ZBTB46: variants seen among roughly 807,000 people sequenced by gnomAD.
ZBTB46 encodes the protein zinc finger and BTB domain containing 46, also known as zinc finger and BTB domain-containing protein 46.
Under a neutral mutation model 44.1 loss-of-function variants are expected in ZBTB46, and 8 were observed. The ratio of observed to expected loss-of-function variants is 0.18; its 90% confidence interval spans 0.11 to 0.33. The LOEUF is 0.33. ZBTB46 is among the 10% of genes least tolerant of loss of function. ZBTB46 has a pLI of 1.00. For missense variants in ZBTB46, 651 were observed against 847.7 expected (o/e 0.77, Z 2.88); for synonymous variants, 409 against 382.3 (o/e 1.07, Z -0.81).
intron 3 of ZBTB46, among the ~76,000 whole-genome samples, chr20:63,754,298 G>C (rs1000765789): frequency 6.6e-6 from 1 of 152,130 alleles, no homozygotes; most frequent in Non-Finnish European, 1.5e-5. Flanking sequence ...AGTAACAAGA[G>C]ACTTCTCCTT....
At chr20:63,818,603 C>G (rs189915884) in intron 1 of ZBTB46, among the ~76,000 whole-genome samples, 1 of 152,294 alleles carries the variant, frequency 6.6e-6, no homozygotes, top group South Asian at 2.1e-4. Flanking sequence ...TGCCTGTCAT[C>G]CCAACACTTT....
chr20:63,767,799 G>T lies in ZBTB46; in HGVS notation c.1222+7879C>A. On this transcript the variant is annotated intron_variant, in intron 3 of 4. Coordinates refer to ENST00000245663, the MANE Select transcript of ZBTB46 (RefSeq NM_001369741.1). This position sits in a 1 kb window ranked among gnomAD's most constrained non-coding sequence, Gnocchi z 5.0. Reference sequence around the variant, plus strand: ...AGGCCAAGCCGTCCTGGCACTGGCTGCCCCCAGGGCTGGGCAAGTCCATCC... The same window carrying T: ...AGGCCAAGCCGTCCTGGCACTGGCTTCCCCCAGGGCTGGGCAAGTCCATCC... 1 of 877,166 alleles carries T rather than the reference G, an allele frequency of 1.1e-6. No homozygotes were observed. The highest frequency in any genetic ancestry group is 1.4e-6 in the Non-Finnish European group (1 of 730,998). The allele number at this position is 877,166 out of a possible 1,614,324, so 54.3% of individuals were successfully genotyped here. A position where few individuals can be genotyped will look rare whatever the true frequency, so the allele number is the denominator to read the frequency against.
In ZBTB46 at chr20:63,775,678, G is replaced by C; in HGVS notation, c.1222C>G (p.Leu408Val). Residue 408 changes from leucine (L) to valine (V), a missense_variant and splice_region_variant, in exon 3 of 5, where the codon CTG becomes GTG. Around this residue, in one of 5 missense-constraint regions of ZBTB46, gnomAD observed 385 missense variants for 423.3 expected, o/e 0.91. Transcript: ENST00000245663. ...YLPRGAHSLS[L>V]NEFTVIRKKF... ...AGCGGCCCCCAGGGCCTGCACTTAC[G>C]GGACAGCGAGTGGGCCCCTCTGGGC... 6.4e-7 allele frequency: 1 copy of C among 1,563,750 alleles called. No homozygotes were observed. Among genetic ancestry groups the C allele is most frequent in the Non-Finnish European group, 8.7e-7 (1 of 1,153,484 alleles).
chr20:63,802,429 AC>A (rs1468980199), intron 1 of ZBTB46, among the ~76,000 whole-genome samples: 1 of 151,162 alleles, frequency 6.6e-6, no homozygotes, highest in Non-Finnish European at 1.5e-5. Flanking sequence ...CAAAAAAAAA[AC>A]AATGAGGTTA....
At chr20:63,754,988 T>A (rs887512331) in intron 3 of ZBTB46, among the ~76,000 whole-genome samples, 1 of 152,250 alleles carries the variant, frequency 6.6e-6, no homozygotes, top group African/African-American at 2.4e-5. Flanking sequence ...ATTTTAGCCA[T>A]TTTTATTTAA....
chr20:63,775,742 G>A lies in ZBTB46; in HGVS notation c.1158C>T (p.Asp386=), dbSNP rs758920988. Residue 386 remains aspartate, a synonymous_variant, in exon 3 of 5, where the codon GAC becomes GAT. Coordinates refer to ENST00000245663, the MANE Select transcript of ZBTB46 (RefSeq NM_001369741.1). ...SKNSLLSLKA[D]VLGDDGSLLF... is the part of the protein sequence containing the mutation. ...GCAGGGAGCCGTCATCCCCCAGCAC[G>A]TCGGCCTTCAGCGACAGCAGGCTGT... 1.6e-5 allele frequency: 25 copies of A among 1,611,960 alleles called. No homozygotes were observed. The highest frequency in any genetic ancestry group is 3.3e-5 in the Admixed American group (2 of 59,854).
At chr20:63,772,012 T>TTC (rs1568849525) in intron 3 of ZBTB46, among the ~76,000 whole-genome samples, 1 of 151,296 alleles carries the variant, frequency 6.6e-6, no homozygotes, top group Non-Finnish European at 1.5e-5. Context: ...TTTTTTTTTT[T>TTC]TTTTTCTGAC....
Position 63,803,891 on chromosome 20 carries a change from G to A in ZBTB46, c.-33-13101C>T, listed in dbSNP as rs2092665047. On this transcript the variant is annotated intron_variant, in intron 1 of 4. Coordinates refer to ENST00000245663, the MANE Select transcript of ZBTB46 (RefSeq NM_001369741.1). This position sits in a 1 kb window ranked among gnomAD's most constrained non-coding sequence, Gnocchi z 4.0. The stretch of plus-strand genomic sequence containing the variant: ...CGGGCTAATTTTTTTGTTTTGTAGA[G>A]ACGGGGTTCTGTCGTGTTGCCCAGG... Among the ~76,000 whole-genome samples, 1 of 152,150 alleles carries A rather than the reference G, an allele frequency of 6.6e-6. No homozygotes were observed. The highest frequency in any genetic ancestry group is 2.4e-5 in the African/African-American group (1 of 41,438).
intron 1 of ZBTB46, chr20:63,791,059 C>A: frequency 2.8e-6 from 1 of 358,546 alleles, no homozygotes; most frequent in Non-Finnish European, 5.1e-6. Flanking sequence ...AACAGAATCC[C>A]ACATACGGCA....
chr20:63,770,057 C>T lies in ZBTB46; in HGVS notation c.1222+5621G>A, dbSNP rs56696063. Among the ~76,000 whole-genome samples, 445 of 152,340 alleles carry T rather than the reference C, an allele frequency of 2.9e-3. 2 individuals carry two copies. Among genetic ancestry groups the T allele is most frequent in the African/African-American group, 0.01 (417 of 41,586 alleles). On this transcript the variant is annotated intron_variant, in intron 3 of 4. Coordinates refer to ENST00000245663, the MANE Select transcript of ZBTB46 (RefSeq NM_001369741.1). ...CCATGGCTGTCCCTAGAATCCTTGA[C>T]TCTTTAAAAGAGTGAGGGGGGTTAC...
At chr20:63,785,184 A>G (rs1445180997) in intron 2 of ZBTB46, among the ~76,000 whole-genome samples, 1 of 143,452 alleles carries the variant, frequency 7.0e-6, no homozygotes, top group African/African-American at 2.6e-5. Context: ...GTGAGCTGAG[A>G]TTGCACCACT....
rs756439259 is a variant in ZBTB46, at chr20:63,747,281, C to T, written c.1419G>A (p.Lys473=). 7.1e-7 allele frequency: 1 copy of T among 1,414,340 alleles called. No individual in the cohort carries two copies. The highest frequency in any genetic ancestry group is 9.3e-7 in the Non-Finnish European group (1 of 1,075,340). 87.6% of individuals were successfully genotyped at this position (1,414,340 alleles called of 1,614,324 possible). The change falls in exon 5 of 5, where the codon AAG becomes AAA. Residue 473 remains lysine, a synonymous_variant. Coordinates refer to ENST00000245663, the MANE Select transcript of ZBTB46 (RefSeq NM_001369741.1). ...CGCGGCTGCACACCTTGCACACATA[C>T]TTCTTGTCCTTGCTGTGGACCTGCA... is the stretch of plus-strand genomic sequence containing the variant. The part of the protein sequence containing the change: ...RHTLVHSKDK[K]YVCKVCSRVF...
At position 63,747,128 on chromosome 20, in the gene ZBTB46, T is replaced by C; in HGVS notation, c.1572A>G (p.Pro524=). 1 of 1,610,156 alleles carries C rather than the reference T, an allele frequency of 6.2e-7. No homozygotes were observed. Among genetic ancestry groups the C allele is most frequent in the Middle Eastern group, 1.7e-4 (1 of 6,036 alleles). ...DHGGGGGEGS[P]EALFPGDGPY... ...GCCCGTCGCCTGGGAACAGCGCCTC[T>C]GGAGAGCCCTCGCCGCCTCCGCCGC... The change falls in exon 5 of 5, where the codon CCA becomes CCG. Residue 524 remains proline, a synonymous_variant. Transcript: ENST00000245663.
In ZBTB46 at chr20:63,746,994, T is replaced by C. The variant is rs1555834996; in HGVS notation, c.1706A>G (p.Glu569Gly). The C allele has an allele frequency of 2.5e-6, 4 of 1,607,662 alleles. No homozygotes were observed. In the South Asian group the frequency reaches 4.4e-5, roughly 18 times the overall value. ...GGGGCTGCGCGGCCGCGGCGAGTCT[T>C]CCTCATCCTTGTCGTCCGCCAACAG... ...DALLADDKDE[E>G]DSPRPRSPPG... Residue 569 changes from glutamate (E) to glycine (G), a missense_variant, in exon 5 of 5, where the codon GAA (glutamate) becomes GGA (glycine). Glu to Gly is a moderately conservative substitution (Grantham distance 98, BLOSUM62 -2). Around this residue, in one of 5 missense-constraint regions of ZBTB46, gnomAD observed 106 missense variants for 81.0 expected, o/e 1.31. Transcript: ENST00000245663.
intron 1 of ZBTB46, among the ~76,000 whole-genome samples, chr20:63,806,407 C>CAAAAAAAAAAAAA (rs58233169): frequency 2.2e-5 from 2 of 91,458 alleles, no homozygotes; most frequent in East Asian, 2.8e-4. Flanking sequence ...AACTCCATCT[C>CAAAAAAAAAAAAA]AAAAAAAAAA....
chr20:63,764,599 TTC>T lies in ZBTB46; in HGVS notation c.1222+11077_1222+11078del, dbSNP rs751688282. On this transcript the variant is annotated intron_variant, in intron 3 of 4. Coordinates refer to ENST00000245663, the MANE Select transcript of ZBTB46 (RefSeq NM_001369741.1). The stretch of plus-strand genomic sequence containing the variant: ...TGTTCTTCTGAATGTTAAGCATTTT[TTC>T]TCTGTTTTTTTTTTTTTTGAGACGG... 6.5e-3 allele frequency among the ~76,000 whole-genome samples: 881 copies of T among 134,788 alleles called. 12 individuals carry two copies. The highest frequency in any genetic ancestry group is 0.024 in the African/African-American group (803 of 33,606). The allele number at this position is 134,788 out of a possible 152,430, so 88.4% of individuals were successfully genotyped here. A position where few individuals can be genotyped will look rare whatever the true frequency, so the allele number is the denominator to read the frequency against.
intron 1 of ZBTB46, among the ~76,000 whole-genome samples, chr20:63,821,184 CTT>C (rs536486903): frequency 5.0e-5 from 7 of 140,014 alleles, no homozygotes; most frequent in South Asian, 2.3e-4. Flanking sequence ...TGCGCCCGGC[CTT>C]TTTTTTTTTT....
At chr20:63,762,676 A>C (rs1010676364) in intron 3 of ZBTB46, among the ~76,000 whole-genome samples, 1 of 106,116 alleles carries the variant, frequency 9.4e-6, no homozygotes, top group African/African-American at 4.6e-5. Context: ...AAACAAACAA[A>C]CAAAAAAAAA....
chr20:63,782,822 T>C (rs1274661918), intron 2 of ZBTB46, among the ~76,000 whole-genome samples: 2 of 152,148 alleles, frequency 1.3e-5, no homozygotes, highest in Non-Finnish European at 2.9e-5. Flanking sequence ...AAAGTTCAGT[T>C]GGCCAGGCAG....
Sources: gnomAD v4.1 joint callset for allele counts (sites outside exome capture counted in the v4.1 genomes callset) on GRCh38, gnomAD v4.1.1 for gene constraint, gnomAD v4.1.1 regional missense constraint, Gnocchi (gnomAD v3.1) non-coding constraint, MANE v1.5 for transcripts, NCBI Gene and HGNC (gene_info 2026-07-23, HGNC 2026-07-21) for gene names.